The following LOXL4 variants were observed in gnomAD, a reference collection of about 807,000 sequenced individuals.
LOXL4 encodes the protein lysyl oxidase like 4.
LOXL4 carries 72 observed loss-of-function variants against 89.1 expected under a neutral mutation model. The ratio of observed to expected loss-of-function variants is 0.81; its 90% CI spans 0.67 to 0.98. LOXL4 has a LOEUF of 0.98. Ranked by LOEUF, LOXL4 falls within the 50% of genes least tolerant of loss-of-function variation. The pLI is 0.00. For synonymous variants in LOXL4, 355 were observed against 392.1 expected (o/e 0.91, Z 1.12); for missense variants, 984 against 1,017.5 (o/e 0.97, Z 0.45).
At chr10:98,253,466 C>T in intron 11 of LOXL4, 87 bp downstream of exon 11, 1 of 1,582,002 alleles carries the variant, frequency 6.3e-7, no homozygotes, top group Non-Finnish European at 8.6e-7. Context: ...GGAAAACTTG[C>T]CTGTGGCCAG....
intron 2 of LOXL4, 57 bp from the exon 3 acceptor site, chr10:98,262,270 C>T: frequency 1.9e-6 from 3 of 1,579,664 alleles, no homozygotes; most frequent in Admixed American, 1.7e-5. Context: ...ACAGGCTCTG[C>T]CTCCTGCATA....
intron 12 of LOXL4, 42 bp from the exon 13 acceptor site, chr10:98,251,744 C>G: frequency 6.8e-6 from 11 of 1,608,874 alleles, no homozygotes; most frequent in Non-Finnish European, 9.3e-6. Flanking sequence ...CAGGACGAAG[C>G]ACTCTGCTAG....
Position 98,257,705 on chromosome 10 carries a change from T to G in LOXL4, c.1205A>C (p.His402Pro). Residue 402 changes from histidine (H) to proline (P), a missense_variant, in exon 8 of 15, where the codon CAT becomes CCT. Physicochemically the swap from His to Pro is moderately conservative, Grantham distance 77. Coordinates refer to ENST00000260702, the MANE Select transcript of LOXL4 (RefSeq NM_032211.7). The stretch of plus-strand genomic sequence containing the variant: ...GCACCTGACAGCAGCATCATTCTCA[T>G]GTTGGCAACCATTCTGGGACCCTTC... ...ALEGSQNGCQHENDAAVRCNV... is the reference protein window; with the variant it reads ...ALEGSQNGCQPENDAAVRCNV... The G allele has an allele frequency of 6.2e-7, 1 of 1,614,078 alleles. No homozygotes were observed. Among genetic ancestry groups the G allele is most frequent in the Non-Finnish European group, 8.5e-7 (1 of 1,179,976 alleles).
At chr10:98,251,964 A>G (rs1858204758) in intron 12 of LOXL4, 3 of 525,954 alleles carry the variant, frequency 5.7e-6, no homozygotes, top group East Asian at 6.6e-5. Context: ...TTACTTGTGC[A>G]TCCGCCTATC....
Position 98,257,975 on chromosome 10 carries a change from A to T in LOXL4, c.1105+6T>A. 8.1e-6 allele frequency: 13 copies of T among 1,613,322 alleles called. No individual in the cohort carries two copies. The highest frequency in any genetic ancestry group is 1.1e-5 in the Non-Finnish European group (13 of 1,179,746). On this transcript the variant is annotated splice_donor_region_variant and intron_variant, in intron 7 of 14. Coordinates refer to ENST00000260702, the MANE Select transcript of LOXL4 (RefSeq NM_032211.7). ...CTTCTAACCCCTCCCAGGCTGTCTC[A>T]CTCACCTTGGCCCAGCCGGGCCCCA...
At position 98,259,094 on chromosome 10, in the gene LOXL4, C is replaced by T. The variant is rs1459580051; in HGVS notation, c.836G>A (p.Gly279Asp). 1 of 1,599,984 alleles carries T rather than the reference C, an allele frequency of 6.3e-7. No homozygotes were observed. Among genetic ancestry groups the T allele is most frequent in the Non-Finnish European group, 8.5e-7 (1 of 1,173,216 alleles). Residue 279 changes from glycine to aspartate, a missense_variant, in exon 6 of 15, where the codon GGC becomes GAC. Gly to Asp is a moderately conservative substitution (Grantham distance 94). Transcript: ENST00000260702. ...CACACAGCTGACCACAGCGTGCATG[C>T]CACCTGGGCAGGCTGGCCGCAGCTT... ...RGKLRPACPG[G>D]MHAVVSCVAG...
intron 10 of LOXL4, 144 bp downstream of exon 10, chr10:98,255,433 G>C: frequency 1.2e-6 from 1 of 862,784 alleles, no homozygotes; most frequent in Non-Finnish European, 1.7e-6. Context: ...TGGGTGATTT[G>C]GCCACACAGC....
At chr10:98,250,450 C>A (rs759636392) in intron 14 of LOXL4, among the ~76,000 whole-genome samples, 8 of 152,200 alleles carry the variant, frequency 5.3e-5, no homozygotes, top group Admixed American at 2.0e-4. Flanking sequence ...TCTGCCCCAT[C>A]CCACCGCACA....
Position 98,252,337 on chromosome 10 carries a change from A to T in LOXL4, c.1951+16T>A. The T allele has an allele frequency of 6.4e-7, 1 of 1,572,730 alleles. No individual in the cohort carries two copies. The highest frequency in any genetic ancestry group is 1.1e-5 in the South Asian group (1 of 90,128). On this transcript the variant is annotated intron_variant, in intron 12 of 14. Transcript: ENST00000260702. ...CAAAAGGAGATGCTGATAGGTGCTG[A>T]CAGGAAACCACATACCTGTGGGGCA...
intron 8 of LOXL4, among the ~76,000 whole-genome samples, 194 bp from the exon 9 acceptor site, chr10:98,257,141 G>T (rs1858399836): frequency 2.0e-5 from 3 of 152,204 alleles, no homozygotes; most frequent in Non-Finnish European, 4.4e-5. Flanking sequence ...GCCTGCTAGA[G>T]AAATCTGACT....
rs536979943 is a variant in LOXL4 at position 98,262,734 on chromosome 10, GTCAC to G, written c.277+5_277+8del. The stretch of plus-strand genomic sequence containing the variant: ...CTTGCCATCCCACTAGGTGGCACCA[GTCAC>G]TCACCCTCCCCTTGGCCGTACTTGG... On this transcript the variant is annotated splice_donor_5th_base_variant and intron_variant, in intron 2 of 14. Transcript: ENST00000260702. The G allele has an allele frequency of 1.9e-6, 3 of 1,608,172 alleles. No individual in the cohort carries two copies. Among genetic ancestry groups the G allele is most frequent in the South Asian group, 2.2e-5 (2 of 90,786 alleles).
At chr10:98,259,761 A>G (rs935255733) in intron 4 of LOXL4, among the ~76,000 whole-genome samples, 1 of 152,132 alleles carries the variant, frequency 6.6e-6, no homozygotes, top group Non-Finnish European at 1.5e-5. Flanking sequence ...TGGGAGGTGA[A>G]GGCCTTGCTG....
chr10:98,257,676 C>G lies in LOXL4; in HGVS notation c.1234G>C (p.Val412Leu). The G allele has an allele frequency of 6.2e-7, 1 of 1,614,006 alleles. No homozygotes were observed. The highest frequency in any genetic ancestry group is 8.5e-7 in the Non-Finnish European group (1 of 1,179,946). ...TGATTCTGAAAGCCCATGTTAGGGA[C>G]ATTGCACCTGACAGCAGCATCATTC... ...HENDAAVRCN[V>L]PNMGFQNQVR... The change falls in exon 8 of 15, where the codon GTC (valine) becomes CTC (leucine). Residue 412 changes from valine to leucine, a missense_variant. Val to Leu is a conservative substitution (Grantham distance 32). Coordinates refer to ENST00000260702, the MANE Select transcript of LOXL4 (RefSeq NM_032211.7).
chr10:98,263,723 T>A (rs1399868539), intron 1 of LOXL4, among the ~76,000 whole-genome samples: 1 of 151,072 alleles, frequency 6.6e-6, no homozygotes, highest in South Asian at 2.1e-4. Context: ...CTTTTTTCTT[T>A]CTTTCTTTCT....
chr10:98,252,090 T>G (rs117017069), intron 12 of LOXL4: 49 of 509,866 alleles, frequency 9.6e-5, no homozygotes, highest in African/African-American at 2.9e-4. Flanking sequence ...TCAGCAGAGA[T>G]AGGACAGGTC....
intron 1 of LOXL4, among the ~76,000 whole-genome samples, chr10:98,265,551 G>A (rs1858662991): frequency 7.7e-6 from 1 of 130,028 alleles, no homozygotes; most frequent in South Asian, 2.6e-4. Context: ...TTACAGGCAT[G>A]CGCCAACATG....
At position 98,257,073 on chromosome 10, in the gene LOXL4, C is replaced by T. The variant is rs1858397521; in HGVS notation, c.1261-126G>A. 1.1e-5 allele frequency: 12 copies of T among 1,109,462 alleles called. No individual in the cohort carries two copies. The South Asian group carries it at 1.8e-4, about 17-fold the overall frequency. 68.7% of individuals were successfully genotyped at this position (1,109,462 alleles called of 1,614,324 possible). ...CTAGACAAGACAGTCCCCTTCTCTG[C>T]CTTGGTCTCCTTCTCTGTAAGGTGA... On this transcript the variant is annotated intron_variant, in intron 8 of 14. Transcript: ENST00000260702.
chr10:98,249,781 G>A (rs139518360), intron 14 of LOXL4, among the ~76,000 whole-genome samples: 122 of 152,298 alleles, frequency 8.0e-4, no homozygotes, highest in Admixed American at 2.9e-3. Context: ...CTGTCTCCGT[G>A]TGCGTAGCCT....
chr10:98,261,208 GC>G (rs1858531016), intron 3 of LOXL4, 81 bp from the exon 4 acceptor site: 2 of 1,476,086 alleles, frequency 1.4e-6, no homozygotes, highest in Admixed American at 3.5e-5. Flanking sequence ...ATGCAGAAAG[GC>G]TGGGGCTTGG....
Sources: gnomAD v4.1 joint callset for allele counts (sites outside exome capture counted in the v4.1 genomes callset) on GRCh38, gnomAD v4.1.1 for gene constraint, MANE v1.5 for transcripts, NCBI Gene and HGNC (gene_info 2026-07-23, HGNC 2026-07-21) for gene names.